TENM3: variants seen among roughly 807,000 people sequenced by gnomAD.
The protein encoded by TENM3 is teneurin-3.
In TENM3, 63 loss-of-function variants were observed where a neutral mutation model predicts 255.1. That is an observed-to-expected ratio of 0.25 (90% CI 0.20 to 0.30). The LOEUF (loss-of-function observed/expected upper bound fraction) is 0.30, where lower values mean the gene tolerates loss of function less well. Among genes scored for constraint, TENM3 ranks in the 10% least tolerant of loss-of-function variants. TENM3 has a pLI of 1.00. For missense variants in TENM3, 2,929 were observed against 3,461.1 expected, an observed-to-expected ratio of 0.85 and a Z score of 3.86; for synonymous variants, 1,306 against 1,322.3, an observed-to-expected ratio of 0.99 and a Z score of 0.27.
the TENM3 span, among the ~76,000 whole-genome samples, chr4:182,001,179 C>T: frequency 2.0e-5 from 3 of 151,612 alleles, no homozygotes; most frequent in African/African-American, 7.3e-5. Context: ...TCAACCAGTT[C>T]AGCATTAGGT....
upstream of TENM3, among the ~76,000 whole-genome samples, chr4:182,239,221 C>T (rs149646695): frequency 0.011 from 1,719 of 151,838 alleles, 34 homozygotes; most frequent in African/African-American, 0.038. Context: ...GGATTACAGG[C>T]GCCTGCCACC....
chr4:182,770,452 C>T (rs77537271), intron 22 of TENM3, among the ~76,000 whole-genome samples: 15,974 of 152,202 alleles, frequency 0.1, 917 homozygotes, highest in African/African-American at 0.15. Context: ...CGACACCTTC[C>T]TCCGCAGCCC....
chr4:182,152,736 A>T (rs1269673940), intron 1 of TENM3, among the ~76,000 whole-genome samples: 1 of 151,862 alleles, frequency 6.6e-6, no homozygotes, highest in Non-Finnish European at 1.5e-5. Flanking sequence ...TACTTTAAAA[A>T]TTTAAAGTTT....
intron 15 of TENM3, 45 bp from the exon 16 acceptor site, chr4:182,730,833 T>C (rs758549286): frequency 2.7e-5 from 44 of 1,600,772 alleles, no homozygotes; most frequent in African/African-American, 9.4e-5. Flanking sequence ...TTGGTAGTTA[T>C]GTGGGATCCA....
At chr4:181,483,879 T>G in the TENM3 span, among the ~76,000 whole-genome samples, 3 of 152,178 alleles carry the variant, frequency 2.0e-5, no homozygotes, top group African/African-American at 4.8e-5. Flanking sequence ...GTAGTAAACT[T>G]CTTTTCTCTG....
the TENM3 span, among the ~76,000 whole-genome samples, chr4:181,874,860 C>A: frequency 6.6e-6 from 1 of 152,220 alleles, no homozygotes; most frequent in Non-Finnish European, 1.5e-5. Flanking sequence ...GAAACTGCCA[C>A]AAGGCAGGGA....
At chr4:182,663,389 T>C (rs1044008520) in intron 6 of TENM3, among the ~76,000 whole-genome samples, 12 of 152,198 alleles carry the variant, frequency 7.9e-5, no homozygotes, top group Non-Finnish European at 1.8e-4. Flanking sequence ...CACATTTGAC[T>C]GAAAACAACC....
At chr4:182,072,340 A>G in the TENM3 span, among the ~76,000 whole-genome samples, 3 of 152,176 alleles carry the variant, frequency 2.0e-5, no homozygotes, top group East Asian at 5.8e-4. Context: ...TAGGGTGGAC[A>G]CCGGCAGTCA....
intron 24 of TENM3, among the ~76,000 whole-genome samples, chr4:182,778,230 G>A (rs1764856207): frequency 6.6e-6 from 1 of 151,978 alleles, no homozygotes; most frequent in Non-Finnish European, 1.5e-5. Context: ...ATCCCCTAAA[G>A]CTGCCCAGAT....
the TENM3 span, among the ~76,000 whole-genome samples, chr4:181,527,026 G>A: frequency 6.6e-6 from 1 of 152,090 alleles, no homozygotes; most frequent in Non-Finnish European, 1.5e-5. Flanking sequence ...CTTAGCCCTG[G>A]GTCCTTGCAG....
At chr4:181,921,691 T>A in the TENM3 span, among the ~76,000 whole-genome samples, 1 of 152,200 alleles carries the variant, frequency 6.6e-6, no homozygotes, top group Non-Finnish European at 1.5e-5. Flanking sequence ...CAGGGACAAT[T>A]TGACTTTCTC....
chr4:182,106,388 A>T, the TENM3 span, among the ~76,000 whole-genome samples: 2 of 152,168 alleles, frequency 1.3e-5, no homozygotes, highest in Admixed American at 1.3e-4. Context: ...TTGAGCCCGG[A>T]AGTCAAAGCT....
the TENM3 span, among the ~76,000 whole-genome samples, chr4:181,811,761 C>G: frequency 1.3e-5 from 2 of 152,176 alleles, no homozygotes; most frequent in African/African-American, 4.8e-5. Context: ...AAATCACCCA[C>G]GTGATTCAAT....
At chr4:182,448,647 T>C (rs1463611445) in intron 3 of TENM3, among the ~76,000 whole-genome samples, 2 of 151,564 alleles carry the variant, frequency 1.3e-5, no homozygotes, top group African/African-American at 2.4e-5. Flanking sequence ...ACACGGCCGC[T>C]GCCCGGGGCG....
the TENM3 span, among the ~76,000 whole-genome samples, chr4:181,876,119 T>C: frequency 3.3e-5 from 5 of 152,360 alleles, no homozygotes; most frequent in East Asian, 7.7e-4. Flanking sequence ...ATTTATTTTC[T>C]TTGACTATAC....
chr4:181,803,939 C>CA, the TENM3 span, among the ~76,000 whole-genome samples: 25,981 of 117,318 alleles, frequency 0.22, 2,819 homozygotes, highest in African/African-American at 0.31. Context: ...ATTATCTCAA[C>CA]AAAAAAAAAA....
the TENM3 span, among the ~76,000 whole-genome samples, chr4:181,629,547 G>A: frequency 6.6e-6 from 1 of 152,148 alleles, no homozygotes; most frequent in Non-Finnish European, 1.5e-5. Context: ...TAGCATGAAG[G>A]GCTGTTGAAT....
chr4:182,583,482 A>G lies in TENM3; in HGVS notation c.512-17442A>G, dbSNP rs569812453. On this transcript the variant is annotated intron_variant, in intron 3 of 27. Coordinates refer to ENST00000511685, the MANE Select transcript of TENM3 (RefSeq NM_001080477.4). ...CTACTCCCCTAATATTACAGATGAA[A>G]GGAACCAAGACTAGAAGAGTAAAAT... Among the ~76,000 whole-genome samples the G allele has an allele frequency of 1.3e-3, 193 of 152,222 alleles. 1 individual carries two copies. Among genetic ancestry groups the G allele is most frequent in the African/African-American group, 4.4e-3 (181 of 41,544 alleles).
chr4:181,932,774 T>A, the TENM3 span, among the ~76,000 whole-genome samples: 1 of 152,074 alleles, frequency 6.6e-6, no homozygotes, highest in African/African-American at 2.4e-5. Context: ...CAAATGCCCA[T>A]CAATGATAGA....
Sources: allele counts gnomAD v4.1 joint callset (sites outside exome capture counted in the v4.1 genomes callset), GRCh38; gene constraint gnomAD v4.1.1; transcripts MANE v1.5; gene names NCBI Gene and HGNC (gene_info 2026-07-23, HGNC 2026-07-21).